DMD: variants seen among roughly 807,000 people sequenced by gnomAD.
The protein encoded by DMD is mutant dystrophin.
DMD carries 63 observed loss-of-function variants against 330.1 expected under a neutral mutation model. The observed-to-expected ratio is 0.19, with a 90% CI of 0.16 to 0.24. The LOEUF is 0.24. Ranked by LOEUF, DMD falls within the 10% of genes least tolerant of loss-of-function variation. DMD has a pLI of 1.00. For missense variants in DMD, 3,344 were observed against 2,684.1 expected (o/e 1.25, Z -5.43); for synonymous variants, 1,223 against 959.8 (o/e 1.27, Z -5.07).
intron 2 of DMD, among the ~76,000 whole-genome samples, chrX:32,989,758 T>C (rs1391017812): frequency 9.0e-6 from 1 of 111,400 alleles, no homozygotes; most frequent in Non-Finnish European, 1.9e-5. Context: ...TGCCTGTATA[T>C]AAAAAGTACT....
At chrX:32,861,514 CT>C (rs1400384400) in intron 2 of DMD, among the ~76,000 whole-genome samples, 1 of 111,455 alleles carries the variant, frequency 9.0e-6, no homozygotes, top group Non-Finnish European at 1.9e-5. Flanking sequence ...TAATAAGGGA[CT>C]GTTTATAAAA....
At chrX:32,557,679 A>G (rs1436110687) in intron 16 of DMD, among the ~76,000 whole-genome samples, 1 of 111,941 alleles carries the variant, frequency 8.9e-6, no homozygotes, top group Non-Finnish European at 1.9e-5. Context: ...ACAAGGCACA[A>G]AAATCTGGTA....
intron 7 of DMD, among the ~76,000 whole-genome samples, chrX:32,761,213 C>T (rs1450461388): frequency 8.9e-6 from 1 of 111,767 alleles, no homozygotes; most frequent in Non-Finnish European, 1.9e-5. Context: ...CTGGCCTATC[C>T]AGGGATTTCT....
chrX:33,040,382 GA>G (rs1172011083), intron 1 of DMD, among the ~76,000 whole-genome samples: 2 of 111,075 alleles, frequency 1.8e-5, no homozygotes, highest in Non-Finnish European at 3.8e-5. Context: ...AGAGGGTCAA[GA>G]TACCCTCTTT....
At chrX:31,230,743 C>T (rs764294000) in intron 63 of DMD, among the ~76,000 whole-genome samples, 1 of 110,628 alleles carries the variant, frequency 9.0e-6, no homozygotes, top group Non-Finnish European at 1.9e-5. Context: ...AGGTTATGAA[C>T]CAAAAAATAC....
chrX:32,050,989 C>CTTTTTTTTTTTTTTTT (rs1397574225), intron 44 of DMD, among the ~76,000 whole-genome samples: 3 of 37,327 alleles, frequency 8.0e-5, no homozygotes, highest in African/African-American at 3.6e-4. Flanking sequence ...TTTTTTTTTC[C>CTTTTTTTTTTTTTTTT]CCCTAATAGA....
At chrX:32,308,269 T>C (rs1312185073) in intron 42 of DMD, among the ~76,000 whole-genome samples, 1 of 111,237 alleles carries the variant, frequency 9.0e-6, no homozygotes, top group Non-Finnish European at 1.9e-5. Flanking sequence ...AAAAGATGTA[T>C]GTTAAAGCAC....
chrX:32,326,768 G>A (rs924676591), intron 41 of DMD, among the ~76,000 whole-genome samples: 2 of 109,984 alleles, frequency 1.8e-5, no homozygotes, highest in African/African-American at 6.6e-5. Context: ...TTAGCCAGGC[G>A]TGATGGCGGT....
At chrX:32,845,881 C>G (rs1409163778) in intron 3 of DMD, among the ~76,000 whole-genome samples, 1 of 112,195 alleles carries the variant, frequency 8.9e-6, no homozygotes, top group Non-Finnish European at 1.9e-5. Flanking sequence ...AACATGTGCT[C>G]TCAATAACAA....
In DMD at chrX:31,121,714, T is replaced by A; in HGVS notation, c.*205A>T. On this transcript the variant is annotated 3_prime_UTR_variant, in exon 79 of 79. Transcript: ENST00000357033. ...ACTTAGAAACTACTGAAATCTACAG[T>A]ATAATACCACTACCCTTCACAAAAA... 8.9e-6 allele frequency: 5 copies of A among 562,687 alleles called. No homozygotes were observed. The highest frequency in any genetic ancestry group is 1.2e-5 in the Non-Finnish European group (4 of 332,084). 46.4% of individuals were successfully genotyped at this position (562,687 alleles called of 1,213,427 possible).
intron 2 of DMD, among the ~76,000 whole-genome samples, chrX:32,904,626 G>T (rs2086576531): frequency 8.9e-6 from 1 of 112,108 alleles, no homozygotes; most frequent in African/African-American, 3.2e-5. Flanking sequence ...CCAGGCTGGA[G>T]TGCAATGGCG....
intron 1 of DMD, among the ~76,000 whole-genome samples, chrX:33,033,189 T>C (rs913872226): frequency 9.0e-6 from 1 of 110,779 alleles, no homozygotes; most frequent in Non-Finnish European, 1.9e-5. Flanking sequence ...CTAATACTGA[T>C]GACAAGTGGT....
chrX:32,554,296 A>G (rs2049915509), intron 16 of DMD, among the ~76,000 whole-genome samples: 1 of 110,953 alleles, frequency 9.0e-6, no homozygotes, highest in Non-Finnish European at 1.9e-5. Context: ...GACATGAAAA[A>G]CCCTCCAAAA....
chrX:32,875,534 T>C (rs768310661), intron 2 of DMD, among the ~76,000 whole-genome samples: 2 of 112,170 alleles, frequency 1.8e-5, no homozygotes, highest in Non-Finnish European at 3.8e-5. Flanking sequence ...CCAGGCCCGG[T>C]TGTAAGCACC....
intron 9 of DMD, among the ~76,000 whole-genome samples, chrX:32,654,058 A>G (rs1358582349): frequency 4.5e-5 from 5 of 111,623 alleles, no homozygotes; most frequent in Non-Finnish European, 7.5e-5. Context: ...GGGCTGAGAC[A>G]ATGGGGTTTT....
At chrX:31,910,915 C>T (rs769924712) in intron 47 of DMD, among the ~76,000 whole-genome samples, 5 of 111,908 alleles carry the variant, frequency 4.5e-5, no homozygotes, top group Non-Finnish European at 3.8e-5. Flanking sequence ...GGGTTGGAAA[C>T]CCAGGGCTAA....
chrX:32,807,027 G>T (rs1371695120), intron 7 of DMD, among the ~76,000 whole-genome samples: 1 of 100,085 alleles, frequency 1.0e-5, no homozygotes, highest in Non-Finnish European at 2.0e-5. Flanking sequence ...CATCACAACT[G>T]AAAGAACTAG....
chrX:32,263,782 G>C (rs2097333059), intron 43 of DMD, among the ~76,000 whole-genome samples: 1 of 111,313 alleles, frequency 9.0e-6, no homozygotes, highest in South Asian at 3.8e-4. Flanking sequence ...TCTAATTATA[G>C]ACACATTAAA....
chrX:31,391,207 G>C (rs1020301840), intron 60 of DMD, among the ~76,000 whole-genome samples: 17 of 110,700 alleles, frequency 1.5e-4, no homozygotes, highest in African/African-American at 5.3e-4. Flanking sequence ...CTGGAGCACA[G>C]TGACGTGATC....
Sources: gnomAD v4.1 joint callset for allele counts (sites outside exome capture counted in the v4.1 genomes callset) on GRCh38, gnomAD v4.1.1 for gene constraint, MANE v1.5 for transcripts, NCBI Gene and HGNC (gene_info 2026-07-23, HGNC 2026-07-21) for gene names.